The following FRMD4A variants were observed in gnomAD, a reference collection of about 807,000 sequenced individuals.
FRMD4A encodes FERM domain-containing protein 4A.
A neutral mutation model predicts 129.1 loss-of-function variants in FRMD4A; 29 were observed. The ratio of observed to expected loss-of-function variants is 0.22; its 90% CI spans 0.17 to 0.31. FRMD4A has a LOEUF of 0.31. Among genes scored for constraint, FRMD4A ranks in the 10% least tolerant of loss-of-function variants. The probability of loss-of-function intolerance (pLI) is 1.00; values close to 1 mark genes in which losing one functional copy is unlikely to be tolerated. For synonymous variants in FRMD4A, 634 were observed against 571.6 expected (o/e 1.11, Z -1.56); for missense variants, 1,272 against 1,375.8 (o/e 0.92, Z 1.19).
rs1219751975 is a variant in FRMD4A, at chr10:13,714,039, T to TAAAATATATATAATATATA, written c.760-6927_760-6926insTATATATTATATATATTTT. On this transcript the variant is annotated intron_variant, in intron 12 of 24. Transcript: ENST00000357447. ...TATATAAAATATACATATATATATA[T>TAAAATATATATAATATATA]ATATATATATATATATATATAAAAT... 5.4e-3 allele frequency among the ~76,000 whole-genome samples: 13 copies of TAAAATATATATAATATATA among 2,426 alleles called. 2 individuals are homozygous for TAAAATATATATAATATATA. The highest frequency in any genetic ancestry group is 0.014 in the African/African-American group (11 of 792). 1.6% of individuals were successfully genotyped at this position (2,426 alleles called of 152,430 possible).
At chr10:13,890,640 G>C in intron 2 of FRMD4A, 1 of 985,318 alleles carries the variant, frequency 1.0e-6, no homozygotes, top group Non-Finnish European at 1.2e-6. Flanking sequence ...CTGTGAGGAG[G>C]ATTCGAACTG....
intron 2 of FRMD4A, among the ~76,000 whole-genome samples, chr10:14,006,031 A>C (rs1156751831): frequency 6.6e-6 from 1 of 152,206 alleles, no homozygotes; most frequent in East Asian, 1.9e-4. Context: ...TCCCAATGGA[A>C]GGGTGCTGGC....
At position 13,834,317 on chromosome 10, in the gene FRMD4A, A is replaced by C. The variant is rs112316510; in HGVS notation, c.112-23409T>G. Among the ~76,000 whole-genome samples, 1,486 of 152,122 alleles carry C rather than the reference A, an allele frequency of 9.8e-3. 8 individuals carry two copies. The highest frequency in any genetic ancestry group is 0.018 in the African/African-American group (729 of 41,494). ...CAAAAACCACCACCAACAACAAAAC[A>C]AAACAAAACCAAACCAAAAAAACAA... On this transcript the variant is annotated intron_variant, in intron 3 of 24. Coordinates refer to ENST00000357447, the MANE Select transcript of FRMD4A (RefSeq NM_018027.5).
At chr10:13,707,816 A>G (rs2087624782) in intron 12 of FRMD4A, 4 of 985,314 alleles carry the variant, frequency 4.1e-6, no homozygotes, top group Non-Finnish European at 4.8e-6. Context: ...CTCTCCCTCA[A>G]GCTTGGCCAG....
chr10:13,856,597 C>A (rs2094217323), intron 3 of FRMD4A, among the ~76,000 whole-genome samples: 1 of 152,008 alleles, frequency 6.6e-6, no homozygotes, highest in South Asian at 2.1e-4. Context: ...ATGTAAAGAC[C>A]TAAGAGAGAC....
At chr10:14,177,643 G>T (rs1227114134) in intron 2 of FRMD4A, among the ~76,000 whole-genome samples, 1 of 152,292 alleles carries the variant, frequency 6.6e-6, no homozygotes, top group Non-Finnish European at 1.5e-5. Context: ...CTATGCCAAG[G>T]TTAAACAAAA....
chr10:13,689,305 A>G (rs2085442692), intron 15 of FRMD4A, among the ~76,000 whole-genome samples: 1 of 147,526 alleles, frequency 6.8e-6, no homozygotes, highest in African/African-American at 2.5e-5. Flanking sequence ...GAAATCTTAC[A>G]GTGTTGTGAC....
intron 2 of FRMD4A, among the ~76,000 whole-genome samples, chr10:14,055,462 A>AAACACACACAC (rs1834476848): frequency 3.2e-4 from 25 of 77,424 alleles, no homozygotes; most frequent in African/African-American, 1.4e-3. Context: ...CACACACACA[A>AAACACACACAC]ACACACACAC....
chr10:13,665,889 G>A (rs117786671), intron 18 of FRMD4A, among the ~76,000 whole-genome samples: 2,793 of 152,332 alleles, frequency 0.018, 24 homozygotes, highest in Middle Eastern at 0.031. Context: ...AGTTTGATTC[G>A]TACAATCCCT....
At chr10:14,279,045 A>C (rs1389319651) in intron 2 of FRMD4A, among the ~76,000 whole-genome samples, 1 of 152,164 alleles carries the variant, frequency 6.6e-6, no homozygotes, top group Non-Finnish European at 1.5e-5. Flanking sequence ...GGGCCGTTTC[A>C]GGGAATGTTG....
chr10:14,099,789 C>G (rs1299626768), intron 2 of FRMD4A, among the ~76,000 whole-genome samples: 1 of 152,122 alleles, frequency 6.6e-6, no homozygotes, highest in Non-Finnish European at 1.5e-5. Context: ...CTGATAATTT[C>G]TTTTTAACTT....
intron 2 of FRMD4A, among the ~76,000 whole-genome samples, chr10:14,091,045 C>T (rs917321209): frequency 4.6e-5 from 7 of 152,028 alleles, no homozygotes; most frequent in African/African-American, 1.7e-4. Flanking sequence ...CATAGACCAG[C>T]AAAACATTAG....
At position 13,645,794 on chromosome 10, in the gene FRMD4A, C is replaced by CT. The variant is rs1418757645; in HGVS notation, c.*1243dup. ...TCTGAGCTCTTTTGTCACACAAGTG[C>CT]TAACGAACAGAAAATGAGCCACGAC... On this transcript the variant is annotated 3_prime_UTR_variant, in exon 25 of 25. Coordinates refer to ENST00000357447, the MANE Select transcript of FRMD4A (RefSeq NM_018027.5). 2.6e-5 allele frequency: 4 copies of CT among 152,628 alleles called. No individual in the cohort carries two copies. The highest frequency in any genetic ancestry group is 1.3e-4 in the Admixed American group (2 of 15,282). The allele number at this position is 152,628 out of a possible 1,614,324, so 9.5% of individuals were successfully genotyped here.
intron 18 of FRMD4A, 69 bp from the exon 19 acceptor site, chr10:13,663,578 T>C (rs902835960): frequency 1.1e-5 from 9 of 817,764 alleles, no homozygotes; most frequent in South Asian, 5.5e-5. Flanking sequence ...TCTGTAAAAA[T>C]AGCATGTCTA....
intron 2 of FRMD4A, among the ~76,000 whole-genome samples, chr10:13,989,981 A>G (rs2095597632): frequency 6.6e-6 from 1 of 152,206 alleles, no homozygotes; most frequent in Admixed American, 6.5e-5. Context: ...CTTGGATTCC[A>G]AGGGTCTCAC....
chr10:13,718,762 C>G (rs1044125785), intron 12 of FRMD4A, among the ~76,000 whole-genome samples: 4 of 152,224 alleles, frequency 2.6e-5, no homozygotes, highest in Non-Finnish European at 5.9e-5. Context: ...AGGGCTATCC[C>G]AAGCCTCCCA....
At chr10:13,740,088 G>A in intron 11 of FRMD4A, 106 bp downstream of exon 11, 1 of 760,456 alleles carries the variant, frequency 1.3e-6, no homozygotes, top group Non-Finnish European at 2.3e-6. Flanking sequence ...GACAAAGCAA[G>A]ACTCTATCTC....
intron 6 of FRMD4A, among the ~76,000 whole-genome samples, chr10:13,774,326 G>A (rs1448208947): frequency 6.6e-6 from 1 of 152,168 alleles, no homozygotes; most frequent in Non-Finnish European, 1.5e-5. Flanking sequence ...GAAAGAGAGA[G>A]GAAGGTAGGA....
chr10:13,989,876 T>G (rs1436532309), intron 2 of FRMD4A, among the ~76,000 whole-genome samples: 1 of 152,242 alleles, frequency 6.6e-6, no homozygotes, highest in African/African-American at 2.4e-5. Flanking sequence ...CATTGTTTAT[T>G]GAAATTTGAT....
Sources: allele counts gnomAD v4.1 joint callset (sites outside exome capture counted in the v4.1 genomes callset), GRCh38; gene constraint gnomAD v4.1.1; transcripts MANE v1.5; gene names NCBI Gene and HGNC (gene_info 2026-07-23, HGNC 2026-07-21).